Variants in NR2F6 observed in about 807,000 individuals in gnomAD.
The protein encoded by NR2F6 is ERBA-related gene-2.
NR2F6 carries 16 observed loss-of-function variants against 26.5 expected under a neutral mutation model. That is an observed-to-expected ratio of 0.60 (90% CI 0.41 to 0.92). NR2F6 has a LOEUF of 0.92. Ranked by LOEUF, NR2F6 falls within the 40% of genes least tolerant of loss-of-function variation. The pLI is 0.00. For missense variants in NR2F6, 536 were observed against 631.7 expected (o/e 0.85, Z 1.62); for synonymous variants, 325 against 305.0 (o/e 1.07, Z -0.68).
At chr19:17,232,696 G>C in intron 3 of NR2F6, 70 bp from the exon 4 acceptor site, 16 of 1,481,578 alleles carry the variant, frequency 1.1e-5, no homozygotes, top group Non-Finnish European at 1.4e-5. Context: ...GGGGTGACTA[G>C]GGGACACCAC....
At chr19:17,233,569 C>A (rs1057160541) in intron 3 of NR2F6, among the ~76,000 whole-genome samples, 2 of 152,110 alleles carry the variant, frequency 1.3e-5, no homozygotes, top group African/African-American at 4.8e-5. Context: ...GTGGCACGAT[C>A]TCACTGCAAC....
intron 3 of NR2F6, among the ~76,000 whole-genome samples, chr19:17,233,878 T>C (rs1477429744): frequency 6.6e-6 from 1 of 151,852 alleles, no homozygotes; most frequent in Non-Finnish European, 1.5e-5. Context: ...GGGCCTACGG[T>C]GTGAGAGAAT....
rs771214764 is a variant in NR2F6 at position 17,245,131 on chromosome 19, G to A, written c.90C>T (p.Asp30=). The A allele has an allele frequency of 4.8e-6, 7 of 1,456,756 alleles. 1 individual carries two copies. In the South Asian group the frequency reaches 7.0e-5, roughly 14 times the overall value. 90.2% of individuals were successfully genotyped at this position (1,456,756 alleles called of 1,614,324 possible). Residue 30 remains aspartate, a synonymous_variant, in exon 1 of 4, where the codon GAC becomes GAT. Transcript: ENST00000291442. This position sits in a 1 kb window ranked among gnomAD's most constrained non-coding sequence, Gnocchi z 5.0. Reference sequence around the variant, plus strand: ...CGGCACCGGGGGGCGAGGCCGAGTCGTCCTCGGCCGCGCGCGGGTAGCCGC... The same window carrying A: ...CGGCACCGGGGGGCGAGGCCGAGTCATCCTCGGCCGCGCGCGGGTAGCCGC... ...KAGGYPRAAE[D]DSASPPGAAS... is the part of the protein sequence containing the mutation.
intron 1 of NR2F6, 133 bp downstream of exon 1, chr19:17,244,810 G>C: frequency 3.9e-6 from 4 of 1,032,878 alleles, no homozygotes; most frequent in Non-Finnish European, 5.5e-6. Flanking sequence ...GGAGGGTGCT[G>C]TGCCCCTATC....
chr19:17,236,478 C>G (rs1367295932), intron 2 of NR2F6, among the ~76,000 whole-genome samples: 1 of 151,966 alleles, frequency 6.6e-6, no homozygotes, highest in Non-Finnish European at 1.5e-5. Context: ...CTGTCTAGGT[C>G]CAGCCACCAC....
rs1289067561 is a variant in NR2F6 at position 17,235,752 on chromosome 19, G to A, written c.687C>T (p.Ala229=). ...TCAGGCGCAGCAGCGCCACCTGGTC[G>A]GCCACCGGCAGCTCGGGGAAGAAGG... The part of the protein sequence containing the change: ...HAPFFPELPV[A]DQVALLRLSW... The change falls in exon 3 of 4, where the codon GCC becomes GCT. Residue 229 remains alanine, a synonymous_variant. Coordinates refer to ENST00000291442, the MANE Select transcript of NR2F6 (RefSeq NM_005234.4). This position sits in a 1 kb window ranked among gnomAD's most constrained non-coding sequence, Gnocchi z 5.0. 1.3e-6 allele frequency: 2 copies of A among 1,499,606 alleles called. No individual in the cohort carries two copies. Among genetic ancestry groups the A allele is most frequent in the Admixed American group, 2.2e-5 (1 of 46,246 alleles). 92.9% of individuals were successfully genotyped at this position (1,499,606 alleles called of 1,614,324 possible).
intron 2 of NR2F6, among the ~76,000 whole-genome samples, chr19:17,237,547 G>A (rs1323811211): frequency 6.6e-6 from 1 of 152,128 alleles, no homozygotes; most frequent in Non-Finnish European, 1.5e-5. Flanking sequence ...GAGTAGCTGG[G>A]ATTAGAGGCA....
chr19:17,241,093 C>A (rs1001131158), intron 1 of NR2F6, among the ~76,000 whole-genome samples: 1 of 152,138 alleles, frequency 6.6e-6, no homozygotes, highest in African/African-American at 2.4e-5. Flanking sequence ...ACAGCCAGAG[C>A]AAAAGGGTTG....
Position 17,240,696 on chromosome 19 carries a change from G to C in NR2F6, c.348C>G (p.Cys116Trp). ...NQCQYCRLKK[C>W]FRVGMRKEAV... ...CCTCCTTCCTCATGCCCACCCGGAA[G>C]CACTTCTTGAGACGGCAGTACTGGC... is the stretch of plus-strand genomic sequence containing the variant. Residue 116 changes from cysteine to tryptophan, a missense_variant, in exon 2 of 4, where the codon TGC becomes TGG. Transcript: ENST00000291442. The C allele has an allele frequency of 6.2e-7, 1 of 1,614,220 alleles. No homozygotes were observed. The highest frequency in any genetic ancestry group is 8.5e-7 in the Non-Finnish European group (1 of 1,180,028).
rs2073493692 is a variant in NR2F6, at chr19:17,245,474, A to C, written c.-254T>G. ...CCCGGGGCCGGGAGGGGCACGCTAG[A>C]GGCGCGGGCCGGGGGCCCAGAGGAC... is the stretch of plus-strand genomic sequence containing the variant. On this transcript the variant is annotated 5_prime_UTR_variant, in exon 1 of 4. Coordinates refer to ENST00000291442, the MANE Select transcript of NR2F6 (RefSeq NM_005234.4). This position sits in a 1 kb window ranked among gnomAD's most constrained non-coding sequence, Gnocchi z 5.0. The C allele has an allele frequency of 5.0e-6, 1 of 199,126 alleles. No homozygotes were observed. The highest frequency in any genetic ancestry group is 9.8e-6 in the Non-Finnish European group (1 of 101,632). 12.3% of individuals were successfully genotyped at this position (199,126 alleles called of 1,614,324 possible). A position where few individuals can be genotyped will look rare whatever the true frequency, so the allele number is the denominator to read the frequency against.
chr19:17,235,998 C>T lies in NR2F6; in HGVS notation c.441G>A (p.Pro147=). ...TCGCCACTGCCGCCAGCGCCGAGCC[C>T]GGGGGGCTGCCCGAGGAGGCGGCCA... The part of the protein sequence containing the change: ...GAVAASSGSP[P]GSALAAVASG... Residue 147 remains proline (P), a synonymous_variant, in exon 3 of 4, where the codon CCG becomes CCA. Coordinates refer to ENST00000291442, the MANE Select transcript of NR2F6 (RefSeq NM_005234.4). The surrounding 1 kb of genome is among the most constrained non-coding windows in gnomAD (Gnocchi z 5.0). 4.2e-6 allele frequency: 6 copies of T among 1,433,036 alleles called. No individual in the cohort carries two copies. Among genetic ancestry groups the T allele is most frequent in the Non-Finnish European group, 5.5e-6 (6 of 1,097,990 alleles). 88.8% of individuals were successfully genotyped at this position (1,433,036 alleles called of 1,614,324 possible). A position where few individuals can be genotyped will look rare whatever the true frequency, so the allele number is the denominator to read the frequency against.
chr19:17,232,711 C>G, intron 3 of NR2F6, 85 bp from the exon 4 acceptor site: 4 of 1,449,634 alleles, frequency 2.8e-6, no homozygotes, highest in Admixed American at 2.5e-5. Flanking sequence ...CACCACTCGC[C>G]ACTGTGGGTA....
intron 1 of NR2F6, among the ~76,000 whole-genome samples, chr19:17,243,936 G>A (rs1039850558): frequency 6.6e-6 from 1 of 152,182 alleles, no homozygotes; most frequent in Non-Finnish European, 1.5e-5. Context: ...AACTGAGACC[G>A]TCTAGACGGG....
chr19:17,245,197 C>T lies in NR2F6; in HGVS notation c.24G>A (p.Trp8Ter). 1 of 1,376,308 alleles carries T rather than the reference C, an allele frequency of 7.3e-7. No homozygotes were observed. The highest frequency in any genetic ancestry group is 9.4e-7 in the Non-Finnish European group (1 of 1,063,014). The allele number at this position is 1,376,308 out of a possible 1,614,324, so 85.3% of individuals were successfully genotyped here. A position where few individuals can be genotyped will look rare whatever the true frequency, so the allele number is the denominator to read the frequency against. MAMVTGGWGGPGGDTNGV... is the reference protein window; with the variant it reads MAMVTGG ...CGTTCGTGTCGCCGCCGGGGCCGCC[C>T]CAGCCGCCGGTCACCATGGCCATAG... Residue 8 changes from tryptophan (W) to a stop codon, truncating the protein, a stop_gained, in exon 1 of 4, where the codon TGG becomes TGA. Coordinates refer to ENST00000291442, the MANE Select transcript of NR2F6 (RefSeq NM_005234.4). LOFTEE classifies it high-confidence loss of function. This position sits in a 1 kb window ranked among gnomAD's most constrained non-coding sequence, Gnocchi z 5.0.
chr19:17,232,635 A>G lies in NR2F6; in HGVS notation c.941-9T>C. 6.6e-7 allele frequency: 1 copy of G among 1,523,138 alleles called. No individual in the cohort carries two copies. The highest frequency in any genetic ancestry group is 8.8e-7 in the Non-Finnish European group (1 of 1,140,560). 94.4% of individuals were successfully genotyped at this position (1,523,138 alleles called of 1,614,324 possible). On this transcript the variant is annotated splice_polypyrimidine_tract_variant and intron_variant, in intron 3 of 3. Transcript: ENST00000291442. Reference sequence around the variant, plus strand: ...TGAGAGGCCACAGGCGTCTAGGGGGACAAAGGCAAGTCAGACAGGTGGGAG... The same window carrying G: ...TGAGAGGCCACAGGCGTCTAGGGGGGCAAAGGCAAGTCAGACAGGTGGGAG...
chr19:17,236,900 C>A (rs77825513), intron 2 of NR2F6, among the ~76,000 whole-genome samples: 22,059 of 152,234 alleles, frequency 0.14, 1,751 homozygotes, highest in Middle Eastern at 0.24. Context: ...TCTGCAGTGA[C>A]CAGGTGGGTG....
Position 17,232,071 on chromosome 19 carries a change from G to C in NR2F6, c.*281C>G, listed in dbSNP as rs1003279528. The C allele has an allele frequency of 2.3e-6, 1 of 442,814 alleles. No homozygotes were observed. The highest frequency in any genetic ancestry group is 4.0e-6 in the Non-Finnish European group (1 of 248,892). 27.4% of individuals were successfully genotyped at this position (442,814 alleles called of 1,614,324 possible). ...CAACCCCACCATCCCACAAGTTCAT[G>C]CTAGGGGTGCTGAGGAACAAGGCTG... is the stretch of plus-strand genomic sequence containing the variant. On this transcript the variant is annotated 3_prime_UTR_variant, in exon 4 of 4. Coordinates refer to ENST00000291442, the MANE Select transcript of NR2F6 (RefSeq NM_005234.4).
In NR2F6 at chr19:17,235,922, G is replaced by A. The variant is rs2145564293; in HGVS notation, c.517C>T (p.Leu173=). 6.8e-7 allele frequency: 1 copy of A among 1,480,276 alleles called. No individual in the cohort carries two copies. Among genetic ancestry groups the A allele is most frequent in the African/African-American group, 1.5e-5 (1 of 68,158 alleles). 91.7% of individuals were successfully genotyped at this position (1,480,276 alleles called of 1,614,324 possible). ...GCAGGGTAGGGCTCAGCGCGCAGCA[G>A]CTGCGCGATCAGTTCGGACACCGGC... ...GQPVSELIAQ[L]LRAEPYPAAA... is the part of the protein sequence containing the mutation. Residue 173 remains leucine, a synonymous_variant, in exon 3 of 4, where the codon CTG becomes TTG. Transcript: ENST00000291442. This position sits in a 1 kb window ranked among gnomAD's most constrained non-coding sequence, Gnocchi z 5.0.
Position 17,232,579 on chromosome 19 carries a change from T to G in NR2F6, c.988A>C (p.Lys330Gln), listed in dbSNP as rs1568315674. 6.3e-7 allele frequency: 1 copy of G among 1,576,772 alleles called. No homozygotes were observed. Among genetic ancestry groups the G allele is most frequent in the Admixed American group, 1.8e-5 (1 of 56,060 alleles). The change falls in exon 4 of 4, where the codon AAG (lysine) becomes CAG (glutamine). Residue 330 changes from lysine to glutamine, a missense_variant. By Grantham distance (53) the Lys-to-Gln change is moderately conservative. Transcript: ENST00000291442. ...DPAHVESLQE[K>Q]AQVALTEYVR... is the part of the protein sequence containing the mutation. Reference sequence around the variant, plus strand: ...TACTCGGTGAGGGCCACCTGCGCCTTCTCCTGCAGGCTCTCAACGTGGGCC... The same window carrying G: ...TACTCGGTGAGGGCCACCTGCGCCTGCTCCTGCAGGCTCTCAACGTGGGCC...
Sources: gnomAD v4.1 joint callset for allele counts (sites outside exome capture counted in the v4.1 genomes callset) on GRCh38, gnomAD v4.1.1 for gene constraint, Gnocchi (gnomAD v3.1) non-coding constraint, MANE v1.5 for transcripts, NCBI Gene and HGNC (gene_info 2026-07-23, HGNC 2026-07-21) for gene names.